SMG5: variants seen among roughly 807,000 people sequenced by gnomAD.
SMG5 encodes nonsense-mediated mRNA decay factor SMG5.
Under a neutral mutation model 122.9 loss-of-function variants are expected in SMG5, and 53 were observed. That is an observed-to-expected ratio of 0.43 (90% confidence interval 0.35 to 0.54). SMG5 has a LOEUF of 0.54. SMG5 is among the 20% of genes least tolerant of loss of function. The pLI is 0.01. For missense variants in SMG5, 1,153 were observed against 1,285.6 expected, an observed-to-expected ratio of 0.90 and a Z score of 1.58; for synonymous variants, 477 against 490.2, an observed-to-expected ratio of 0.97 and a Z score of 0.35.
At chr1:156,278,396 A>C (rs1662783191) in intron 2 of SMG5, among the ~76,000 whole-genome samples, 1 of 143,334 alleles carries the variant, frequency 7.0e-6, no homozygotes, top group African/African-American at 2.6e-5. Context: ...TTTTTTTGAG[A>C]CAGGGTCTCA....
chr1:156,252,966 C>T lies in SMG5; in HGVS notation c.2615G>A (p.Arg872His), dbSNP rs777692426. 3.1e-6 allele frequency: 5 copies of T among 1,612,422 alleles called. 1 individual carries two copies. The South Asian group carries it at 3.3e-5, about 11-fold the overall frequency. The change falls in exon 18 of 22, where the codon CGC (arginine) becomes CAC (histidine). Residue 872 changes from arginine (R) to histidine (H), a missense_variant. Arg to His is a conservative substitution (Grantham distance 29, BLOSUM62 0). Coordinates refer to ENST00000361813, the MANE Select transcript of SMG5 (RefSeq NM_015327.3). ...GAAGCGGCCACTGGTGGCCAGTTGG[C>T]GGATGACAGGGAGATGGTGGCAGAG... ...QALCHHLPVI[R>H]QLATSGRFIV...
Position 156,266,386 on chromosome 1 carries a change from G to GA in SMG5, c.1256-7dup. On this transcript the variant is annotated splice_region_variant and splice_polypyrimidine_tract_variant and intron_variant, in intron 11 of 21. Coordinates refer to ENST00000361813, the MANE Select transcript of SMG5 (RefSeq NM_015327.3). ...TTCCTTGGACTCTGGTTCATCTGCG[G>GA]AAAGAGGAAGGTCAGGTGGAGCCCG... 6.2e-7 allele frequency: 1 copy of GA among 1,609,038 alleles called. No individual in the cohort carries two copies.
chr1:156,276,390 G>A (rs1229844679), intron 4 of SMG5, among the ~76,000 whole-genome samples: 6 of 152,190 alleles, frequency 3.9e-5, no homozygotes, highest in African/African-American at 9.7e-5. Context: ...GCCTCTCAAA[G>A]TGCTGGGATT....
chr1:156,289,836 A>G, the SMG5 span, among the ~76,000 whole-genome samples: 1 of 152,220 alleles, frequency 6.6e-6, no homozygotes, highest in Non-Finnish European at 1.5e-5. Context: ...AGGGGTGTGT[A>G]TTGAACATAT....
intron 13 of SMG5, among the ~76,000 whole-genome samples, chr1:156,262,307 C>T (rs879482997): frequency 1.9e-4 from 29 of 151,634 alleles, no homozygotes; most frequent in Admixed American, 4.6e-4. Flanking sequence ...GGTGAAACGC[C>T]GTCTCTACTA....
intron 16 of SMG5, among the ~76,000 whole-genome samples, chr1:156,257,470 C>A (rs938981091): frequency 3.3e-5 from 5 of 152,078 alleles, no homozygotes; most frequent in Admixed American, 6.5e-5. Flanking sequence ...TGGAGTCTAG[C>A]ACCACATGAG....
Position 156,267,578 on chromosome 1 carries a change from T to C in SMG5, c.1009A>G (p.Ser337Gly). ...CTCTCATACTCCTCCTCATCCTCACTGGCCAGGCTGAGGTTGGGTGAGGAG... is the reference window on the plus strand; with the variant it reads ...CTCTCATACTCCTCCTCATCCTCACCGGCCAGGCTGAGGTTGGGTGAGGAG... ...LPSSPNLSLA[S>G]EDEEEYESGY... The change falls in exon 10 of 22, where the codon AGT becomes GGT. Residue 337 changes from serine to glycine, a missense_variant. Ser to Gly is a moderately conservative substitution (Grantham distance 56, BLOSUM62 0). Coordinates refer to ENST00000361813, the MANE Select transcript of SMG5 (RefSeq NM_015327.3). The C allele has an allele frequency of 6.2e-7, 1 of 1,614,042 alleles. No individual in the cohort carries two copies. Among genetic ancestry groups the C allele is most frequent in the Non-Finnish European group, 8.5e-7 (1 of 1,179,990 alleles).
At position 156,249,914 on chromosome 1, in the gene SMG5, G is replaced by T; in HGVS notation, c.*673C>A. The T allele has an allele frequency of 2.1e-6, 1 of 471,198 alleles. No homozygotes were observed. Among genetic ancestry groups the T allele is most frequent in the Non-Finnish European group, 4.4e-6 (1 of 227,042 alleles). The allele number at this position is 471,198 out of a possible 1,614,324, so 29.2% of individuals were successfully genotyped here. A position where few individuals can be genotyped will look rare whatever the true frequency, so the allele number is the denominator to read the frequency against. On this transcript the variant is annotated 3_prime_UTR_variant, in exon 22 of 22. Transcript: ENST00000361813. ...TCCCTGCCCTGGAAGCTAGACAGAG[G>T]GAGACACAAAGCAGAAGTGGGGCAA...
chr1:156,285,218 G>A (rs756653168), upstream of SMG5: 25 of 1,524,244 alleles, frequency 1.6e-5, no homozygotes, highest in Non-Finnish European at 2.1e-5. Context: ...CCAGAACTGA[G>A]GCCCCAGGAT....
intron 3 of SMG5, among the ~76,000 whole-genome samples, chr1:156,277,684 G>A (rs1045015245): frequency 6.6e-6 from 1 of 151,760 alleles, no homozygotes; most frequent in Non-Finnish European, 1.5e-5. Context: ...AGCTAATTTT[G>A]TATTTCTAGT....
chr1:156,271,265 T>C (rs1270544448), intron 7 of SMG5, among the ~76,000 whole-genome samples: 1 of 152,198 alleles, frequency 6.6e-6, no homozygotes, highest in Non-Finnish European at 1.5e-5. Context: ...CTGATTACTT[T>C]ACTATTTGGA....
the SMG5 span, among the ~76,000 whole-genome samples, chr1:156,288,193 G>A: frequency 9.1e-5 from 12 of 132,270 alleles, no homozygotes; most frequent in African/African-American, 3.2e-4. Flanking sequence ...GTGAGACTCC[G>A]TCTCAAAAAA....
chr1:156,252,701 C>T (rs776582939), intron 18 of SMG5, 197 bp from the exon 19 acceptor site: 8 of 750,324 alleles, frequency 1.1e-5, no homozygotes, highest in Non-Finnish European at 1.5e-5. Flanking sequence ...CAAGTGCTTT[C>T]TCATTATATT....
Position 156,250,964 on chromosome 1 carries a change from T to G in SMG5, c.2861A>C (p.Gln954Pro), listed in dbSNP as rs368650396. ...ACCTGCCCCCTGGGCCAGAGTCAGC[T>G]GTTTGCAGCTGTCTAGGATCTTATA... ...TLYKILDSCK[Q>P]LTLAQGAGEE... The change falls in exon 21 of 22, where the codon CAG becomes CCG. Residue 954 changes from glutamine (Q) to proline (P), a missense_variant. Transcript: ENST00000361813. 3 of 1,613,848 alleles carry G rather than the reference T, an allele frequency of 1.9e-6. No homozygotes were observed. The African/African-American group carries it at 4.0e-5, about 22-fold the overall frequency.
chr1:156,268,470 C>A, intron 7 of SMG5, 55 bp from the exon 8 acceptor site: 1 of 1,594,568 alleles, frequency 6.3e-7, no homozygotes, highest in Non-Finnish European at 8.5e-7. Flanking sequence ...ATATGTTACT[C>A]TGCTGGGGCT....
intron 7 of SMG5, among the ~76,000 whole-genome samples, chr1:156,271,656 C>T (rs1329583279): frequency 9.1e-6 from 1 of 109,424 alleles, no homozygotes; most frequent in Non-Finnish European, 2.0e-5. Context: ...TCACTGCAAC[C>T]TCTGCCTCCT....
rs899270782 is a variant in SMG5 at position 156,266,718 on chromosome 1, T to C, written c.1118-40A>G. 8.1e-6 allele frequency: 13 copies of C among 1,611,128 alleles called. No individual in the cohort carries two copies. The Admixed American group carries it at 8.4e-5, about 10-fold the overall frequency. On this transcript the variant is annotated intron_variant, in intron 10 of 21. Coordinates refer to ENST00000361813, the MANE Select transcript of SMG5 (RefSeq NM_015327.3). ...GCCAGGCATTAGGGGCCTAGGGCCC[T>C]GATGAGGAGTAGGCACCATCAATTC...
chr1:156,272,467 T>C lies in SMG5; in HGVS notation c.635-69A>G, dbSNP rs1325705844. The C allele has an allele frequency of 4.5e-6, 6 of 1,319,332 alleles. No homozygotes were observed. In the South Asian group the frequency reaches 6.3e-5, roughly 14 times the overall value. The allele number at this position is 1,319,332 out of a possible 1,614,324, so 81.7% of individuals were successfully genotyped here. A position where few individuals can be genotyped will look rare whatever the true frequency, so the allele number is the denominator to read the frequency against. On this transcript the variant is annotated intron_variant, in intron 6 of 21. Transcript: ENST00000361813. ...ATTCAAAGCTGCCAGGCCCAACCAATGCTAAGCATCAGAGAACCTGTAGGG... is the reference window on the plus strand; with the variant it reads ...ATTCAAAGCTGCCAGGCCCAACCAACGCTAAGCATCAGAGAACCTGTAGGG...
intron 7 of SMG5, 118 bp from the exon 8 acceptor site, chr1:156,268,533 T>G: frequency 1.5e-6 from 2 of 1,309,652 alleles, no homozygotes; most frequent in Non-Finnish European, 2.1e-6. Flanking sequence ...TCAGCTTCCA[T>G]GTACATACGC....
Sources: allele counts gnomAD v4.1 joint callset (sites outside exome capture counted in the v4.1 genomes callset), GRCh38; gene constraint gnomAD v4.1.1; transcripts MANE v1.5; gene names NCBI Gene and HGNC (gene_info 2026-07-23, HGNC 2026-07-21).